The following RYR1 variants were observed in gnomAD, a reference collection of about 807,000 sequenced individuals.
RYR1 encodes the protein central core disease of muscle.
RYR1 carries 342 observed loss-of-function variants against 583.5 expected under a neutral mutation model. The observed-to-expected ratio is 0.59, with a 90% CI of 0.54 to 0.64. The LOEUF (loss-of-function observed/expected upper bound fraction) is 0.64, where lower values mean the gene tolerates loss of function less well. Among genes scored for constraint, RYR1 ranks in the 30% least tolerant of loss-of-function variants. RYR1 has a pLI of 0.00. For missense variants in RYR1, 6,032 were observed against 6,917.2 expected, an observed-to-expected ratio of 0.87 and a Z score of 4.54; for synonymous variants, 2,791 against 2,822.5, an observed-to-expected ratio of 0.99 and a Z score of 0.35.
Position 38,543,300 on chromosome 19 carries a change from C to T in RYR1, c.11690-47C>T, listed in dbSNP as rs944782152. On this transcript the variant is annotated intron_variant, in intron 84 of 105. Coordinates refer to ENST00000359596, the MANE Select transcript of RYR1 (RefSeq NM_000540.3). The surrounding 1 kb of genome is among the most constrained non-coding windows in gnomAD (Gnocchi z 4.4). Reference sequence around the variant, plus strand: ...GAATAAATGACCCACTGTTCATCTCCCCTAGCACATGGGAGGTGCTGGATA... The same window carrying T: ...GAATAAATGACCCACTGTTCATCTCTCCTAGCACATGGGAGGTGCTGGATA... 2 of 1,514,424 alleles carry T rather than the reference C, an allele frequency of 1.3e-6. No individual in the cohort carries two copies. Among genetic ancestry groups the T allele is most frequent in the African/African-American group, 1.4e-5 (1 of 72,860 alleles). 93.8% of individuals were successfully genotyped at this position (1,514,424 alleles called of 1,614,324 possible).
intron 20 of RYR1, among the ~76,000 whole-genome samples, chr19:38,463,200 G>A (rs1277613871): frequency 8.2e-6 from 1 of 121,498 alleles, no homozygotes; most frequent in Non-Finnish European, 1.6e-5. Context: ...GAGCCACTAC[G>A]GCTGGCCCTG....
chr19:38,572,257 A>AT lies in RYR1; in HGVS notation c.13986dup (p.Asn4663Ter). 1 of 1,432,654 alleles carries AT rather than the reference A, an allele frequency of 7.0e-7. No individual in the cohort carries two copies. Among genetic ancestry groups the AT allele is most frequent in the South Asian group, 1.1e-5 (1 of 89,026 alleles). The allele number at this position is 1,432,654 out of a possible 1,614,324, so 88.7% of individuals were successfully genotyped here. A position where few individuals can be genotyped will look rare whatever the true frequency, so the allele number is the denominator to read the frequency against. ...GTGGCCTTTCTCTGCATCATTGGCT[A>AT]TAATTGTCTCAAGGTGGGCCCATGG... is the stretch of plus-strand genomic sequence containing the variant. On this transcript the variant is annotated frameshift_variant, in exon 95 of 106. Transcript: ENST00000359596. LOFTEE classifies it high-confidence loss of function.
In RYR1 at chr19:38,457,565, T is replaced by C; in HGVS notation, c.1860T>C (p.Ile620=). ...GVAVRSNQDL[I]TENLLPGREL... ...CTGTACGCTCCAACCAAGATCTTAT[T>C]ACTGAGAACTTGCTGCCTGGCCGTG... Residue 620 remains isoleucine, a synonymous_variant, in exon 17 of 106, where the codon ATT becomes ATC. Transcript: ENST00000359596. The C allele has an allele frequency of 1.9e-6, 3 of 1,614,178 alleles. No homozygotes were observed. The highest frequency in any genetic ancestry group is 1.7e-6 in the Non-Finnish European group (2 of 1,180,032).
chr19:38,484,103 G>T (rs148386188), intron 33 of RYR1, among the ~76,000 whole-genome samples: 4,027 of 152,058 alleles, frequency 0.026, 180 homozygotes, highest in African/African-American at 0.09. Context: ...GAGGCAGGCA[G>T]GTCACCTGAG....
rs2145626314 is a variant in RYR1 at position 38,504,225 on chromosome 19, C to T, written c.7932C>T (p.Leu2644=). Residue 2644 remains leucine, a synonymous_variant, in exon 50 of 106, where the codon CTC becomes CTT. Coordinates refer to ENST00000359596, the MANE Select transcript of RYR1 (RefSeq NM_000540.3). ...CCCCTCTTGTTCCCACCCAGCTCCT[C>T]ACCAACCACTATGAGCGCTGTTGGA... The part of the protein sequence containing the change: ...NEFAKMPLKL[L]TNHYERCWKY... 1 of 1,612,906 alleles carries T rather than the reference C, an allele frequency of 6.2e-7. No homozygotes were observed. The highest frequency in any genetic ancestry group is 8.5e-7 in the Non-Finnish European group (1 of 1,179,538).
intron 59 of RYR1, 45 bp downstream of exon 59, chr19:38,510,610 G>T: frequency 6.2e-7 from 1 of 1,614,082 alleles, no homozygotes; most frequent in Non-Finnish European, 8.5e-7. Flanking sequence ...GGACTCATAG[G>T]CTCTCCCCAC....
At chr19:38,497,293 C>T (rs185782371) in intron 42 of RYR1, among the ~76,000 whole-genome samples, 1 of 152,190 alleles carries the variant, frequency 6.6e-6, no homozygotes, top group African/African-American at 2.4e-5. Flanking sequence ...CCGCACGCTA[C>T]GCTTCCGGGT....
chr19:38,474,424 A>G (rs7259884), intron 28 of RYR1, among the ~76,000 whole-genome samples: 29,304 of 151,496 alleles, frequency 0.19, 4,380 homozygotes, highest in African/African-American at 0.42. Flanking sequence ...CACCATGCCC[A>G]GCTAATTTTT....
intron 7 of RYR1, among the ~76,000 whole-genome samples, chr19:38,445,637 A>G (rs58289337): frequency 0.16 from 24,363 of 152,050 alleles, 2,441 homozygotes; most frequent in East Asian, 0.37. Context: ...TCAGACTTCC[A>G]AACCCTAGAT....
chr19:38,560,472 T>C (rs1973076423), intron 89 of RYR1, among the ~76,000 whole-genome samples: 1 of 151,936 alleles, frequency 6.6e-6, no homozygotes, highest in Admixed American at 6.6e-5. Flanking sequence ...CACACACCTG[T>C]CACCCCTGCA....
chr19:38,584,295 G>GC (rs143555010), intron 101 of RYR1, among the ~76,000 whole-genome samples: 74 of 70,220 alleles, frequency 1.1e-3, no homozygotes, highest in Admixed American at 1.1e-3. Context: ...CTACACCTGT[G>GC]CCCCCCCCCA....
Position 38,468,849 on chromosome 19 carries a change from G to T in RYR1, c.3382-117G>T. 4 of 1,064,064 alleles carry T rather than the reference G, an allele frequency of 3.8e-6. No individual in the cohort carries two copies. The South Asian group carries it at 5.4e-5, about 14-fold the overall frequency. 65.9% of individuals were successfully genotyped at this position (1,064,064 alleles called of 1,614,324 possible). ...GGGTGACCCCTCTTCCATACCACCTGCCCTGAACCTGACACTTCGAATGTC... is the reference window on the plus strand; with the variant it reads ...GGGTGACCCCTCTTCCATACCACCTTCCCTGAACCTGACACTTCGAATGTC... On this transcript the variant is annotated intron_variant, in intron 25 of 105. Coordinates refer to ENST00000359596, the MANE Select transcript of RYR1 (RefSeq NM_000540.3).
At chr19:38,457,025 G>A (rs1284543538) in intron 16 of RYR1, among the ~76,000 whole-genome samples, 4 of 109,362 alleles carry the variant, frequency 3.7e-5, no homozygotes, top group Admixed American at 1.4e-4. Context: ...CAGCCTGGGC[G>A]ACAGAGCCAG....
chr19:38,456,953 G>A (rs1366451729), intron 16 of RYR1, among the ~76,000 whole-genome samples: 1 of 135,746 alleles, frequency 7.4e-6, no homozygotes, highest in African/African-American at 2.7e-5. Context: ...GGCTGAGGCA[G>A]GAGAATGATG....
intron 79 of RYR1, 24 bp from the exon 80 acceptor site, chr19:38,535,117 T>C: frequency 1.2e-6 from 2 of 1,611,152 alleles, no homozygotes; most frequent in Non-Finnish European, 1.7e-6. Context: ...GGGTGGACCA[T>C]CTTTTTTCTC....
In RYR1 at chr19:38,510,652, G is replaced by A. The variant is rs768611849; in HGVS notation, c.9001-8G>A. On this transcript the variant is annotated splice_polypyrimidine_tract_variant and splice_region_variant and intron_variant, in intron 59 of 105. Transcript: ENST00000359596. ...TTGGACCCTTTATCTCCCCCAACCC[G>A]TCTCCAGATCCTGCTCCCTTTGATC... is the stretch of plus-strand genomic sequence containing the variant. 92 of 1,613,482 alleles carry A rather than the reference G, an allele frequency of 5.7e-5. No individual in the cohort carries two copies. The South Asian group carries it at 7.1e-4, about 13-fold the overall frequency.
At chr19:38,523,769 G>A (rs1240340561) in intron 69 of RYR1, 146 bp from the exon 70 acceptor site, 23 of 1,034,084 alleles carry the variant, frequency 2.2e-5, no homozygotes, top group East Asian at 1.7e-4. Flanking sequence ...CCCCCACCCC[G>A]AGCCAAGGCC....
intron 93 of RYR1, among the ~76,000 whole-genome samples, chr19:38,569,014 A>ATT (rs536234775): frequency 2.1e-5 from 3 of 146,242 alleles, no homozygotes; most frequent in South Asian, 2.2e-4. Context: ...CTACAAAAGA[A>ATT]TTTTTTTTTT....
intron 88 of RYR1, 152 bp from the exon 89 acceptor site, chr19:38,548,081 C>T (rs558184904): frequency 3.8e-5 from 30 of 799,612 alleles, no homozygotes; most frequent in South Asian, 3.0e-4. Flanking sequence ...AGGAGGCTGA[C>T]GCAGGTCAGG....
Sources: allele counts gnomAD v4.1 joint callset (sites outside exome capture counted in the v4.1 genomes callset), GRCh38; gene constraint gnomAD v4.1.1; non-coding constraint Gnocchi (gnomAD v3.1); transcripts MANE v1.5; gene names NCBI Gene and HGNC (gene_info 2026-07-23, HGNC 2026-07-21).